Variants in PEX14 observed in about 807,000 individuals in gnomAD.
The protein encoded by PEX14 is peroxisomal biogenesis factor 14.
Under a neutral mutation model 49.5 loss-of-function variants are expected in PEX14, and 15 were observed. That is an observed-to-expected ratio of 0.30 (90% CI 0.20 to 0.47). The LOEUF is 0.47. Ranked by LOEUF, PEX14 falls within the 20% of genes least tolerant of loss-of-function variation. The probability of loss-of-function intolerance (pLI) is 1.00; values close to 1 mark genes in which losing one functional copy is unlikely to be tolerated. For synonymous variants in PEX14, 210 were observed against 212.7 expected (o/e 0.99, Z 0.11); for missense variants, 398 against 494.8 (o/e 0.80, Z 1.86).
intron 2 of PEX14, among the ~76,000 whole-genome samples, chr1:10,509,596 C>T (rs183661981): frequency 1.2e-4 from 19 of 152,294 alleles, no homozygotes; most frequent in African/African-American, 3.4e-4. Context: ...CCTCAGCGGG[C>T]TCCATCAGGT....
chr1:10,557,540 C>G lies in PEX14; in HGVS notation c.169+21243C>G, dbSNP rs563648156. ...GGTGGAGTTTGCAGTGACCTGAGAT[C>G]GTGCCACTGCACTTCAGGCTGGGCA... On this transcript the variant is annotated intron_variant, in intron 3 of 8. Transcript: ENST00000356607. Among the ~76,000 whole-genome samples the G allele has an allele frequency of 5.9e-5, 9 of 152,300 alleles. No individual in the cohort carries two copies. In the East Asian group the frequency reaches 1.5e-3, roughly 26 times the overall value.
intron 4 of PEX14, among the ~76,000 whole-genome samples, chr1:10,612,924 G>A (rs74052156): frequency 0.012 from 1,904 of 152,326 alleles, 46 homozygotes; most frequent in African/African-American, 0.043. Flanking sequence ...ACCTCAATGG[G>A]CTGGCCCCGT....
At chr1:10,487,303 A>G (rs1176932779) in intron 1 of PEX14, among the ~76,000 whole-genome samples, 1 of 148,030 alleles carries the variant, frequency 6.8e-6, no homozygotes, top group Non-Finnish European at 1.5e-5. Flanking sequence ...TCAAGATAGT[A>G]CTGGCCTCAT....
intron 2 of PEX14, among the ~76,000 whole-genome samples, chr1:10,510,771 T>C (rs1641868285): frequency 6.6e-6 from 1 of 152,294 alleles, no homozygotes; most frequent in Non-Finnish European, 1.5e-5. Flanking sequence ...AGGAGTTGGA[T>C]TGCACAGTTG....
Position 10,623,740 on chromosome 1 carries a change from C to T in PEX14, c.488-600C>T, listed in dbSNP as rs1036150093. ...CAGGAGTCTGTGTCCCTCTGGAGCA[C>T]GTTTGTGAAGCTCACAGAAACCCTC... is the stretch of plus-strand genomic sequence containing the variant. On this transcript the variant is annotated intron_variant, in intron 6 of 8. Transcript: ENST00000356607. The surrounding 1 kb of genome is among the most constrained non-coding windows in gnomAD (Gnocchi z 4.4). 4.6e-5 allele frequency among the ~76,000 whole-genome samples: 7 copies of T among 152,234 alleles called. No individual in the cohort carries two copies. The highest frequency in any genetic ancestry group is 7.3e-5 in the Non-Finnish European group (5 of 68,042).
intron 4 of PEX14, chr1:10,616,694 C>T (rs1474647694): frequency 1.3e-5 from 2 of 152,238 alleles, no homozygotes; most frequent in Admixed American, 6.5e-5. Context: ...TCCCGCGTGC[C>T]TTGGAGGATC....
chr1:10,560,162 A>G (rs1438076465), intron 3 of PEX14, among the ~76,000 whole-genome samples: 3 of 151,830 alleles, frequency 2.0e-5, no homozygotes, highest in African/African-American at 4.8e-5. Context: ...GGTTCAAGCA[A>G]TTCTCCTGCC....
At chr1:10,595,746 C>G (rs189869795) in intron 3 of PEX14, among the ~76,000 whole-genome samples, 2 of 152,302 alleles carry the variant, frequency 1.3e-5, no homozygotes, top group African/African-American at 4.8e-5. Flanking sequence ...TAGATTATTC[C>G]TTGCAGATAG....
intron 3 of PEX14, chr1:10,536,717 C>T: frequency 8.6e-6 from 2 of 232,508 alleles, no homozygotes; most frequent in South Asian, 1.4e-4. Context: ...AACGAGATGA[C>T]TAACAAGGTC....
intron 3 of PEX14, among the ~76,000 whole-genome samples, chr1:10,557,558 G>C (rs1265078408): frequency 6.6e-6 from 1 of 152,202 alleles, no homozygotes; most frequent in Non-Finnish European, 1.5e-5. Flanking sequence ...TGCACTTCAG[G>C]CTGGGCAACA....
chr1:10,540,366 T>C (rs1462595179), intron 3 of PEX14, among the ~76,000 whole-genome samples: 1 of 152,220 alleles, frequency 6.6e-6, no homozygotes, highest in African/African-American at 2.4e-5. Context: ...AGTTTGCATG[T>C]CCTTGAATGG....
chr1:10,620,832 A>T (rs1641568036), intron 5 of PEX14, among the ~76,000 whole-genome samples: 1 of 152,140 alleles, frequency 6.6e-6, no homozygotes, highest in South Asian at 2.1e-4. Flanking sequence ...ACAGAACAAA[A>T]ACACCTCTTG....
At chr1:10,549,798 G>T (rs1367463083) in intron 3 of PEX14, among the ~76,000 whole-genome samples, 1 of 152,110 alleles carries the variant, frequency 6.6e-6, no homozygotes, top group Non-Finnish European at 1.5e-5. Context: ...GATTATTTTG[G>T]ATTTCAGATT....
chr1:10,516,639 C>T (rs1349768187), intron 2 of PEX14, among the ~76,000 whole-genome samples: 1 of 152,192 alleles, frequency 6.6e-6, no homozygotes, highest in Non-Finnish European at 1.5e-5. Context: ...GTCTGGTCTC[C>T]CAGCTAACAT....
chr1:10,582,594 C>T (rs1640352591), intron 3 of PEX14, among the ~76,000 whole-genome samples: 1 of 152,182 alleles, frequency 6.6e-6, no homozygotes, highest in Admixed American at 6.5e-5. Flanking sequence ...GAAGAAGCTA[C>T]TCTGATGGCT....
At chr1:10,516,648 A>G (rs1641975205) in intron 2 of PEX14, among the ~76,000 whole-genome samples, 2 of 152,232 alleles carry the variant, frequency 1.3e-5, no homozygotes, top group African/African-American at 4.8e-5. Context: ...CCCAGCTAAC[A>G]TGGGTACAAA....
Position 10,535,969 on chromosome 1 carries a change from G to A in PEX14, c.85-244G>A, listed in dbSNP as rs17035180. 2,261 of 482,676 alleles carry A rather than the reference G, an allele frequency of 4.7e-3. 45 individuals carry two copies. The highest frequency in any genetic ancestry group is 0.039 in the African/African-American group (1,995 of 50,898). 29.9% of individuals were successfully genotyped at this position (482,676 alleles called of 1,614,324 possible). ...ATCAGGAGGAACAGGAAGGATCGTC[G>A]CAGGCCTGAAGCTCGGCAGAGGGAT... On this transcript the variant is annotated intron_variant, in intron 2 of 8. Transcript: ENST00000356607.
At chr1:10,493,103 G>T (rs1294676091) in intron 1 of PEX14, among the ~76,000 whole-genome samples, 1 of 152,206 alleles carries the variant, frequency 6.6e-6, no homozygotes, top group African/African-American at 2.4e-5. Flanking sequence ...GGGGGCAGAA[G>T]TGGGCAATGT....
Position 10,629,648 on chromosome 1 carries a change from A to G in PEX14, c.795A>G (p.Ser265=), listed in dbSNP as rs41274484. The change falls in exon 9 of 9, where the codon TCA becomes TCG. Residue 265 remains serine, a synonymous_variant. Transcript: ENST00000356607. This position sits in a 1 kb window ranked among gnomAD's most constrained non-coding sequence, Gnocchi z 8.5. ...ACCACCACAGCAGCAGCGACATCTC[A>G]CCTGTCAGCAACGAGTCCACGTCGT... ...AVNHHSSSDI[S]PVSNESTSSS... is the part of the protein sequence containing the mutation. The G allele has an allele frequency of 6.7e-3, 10,730 of 1,590,558 alleles. 42 individuals are homozygous for G. The highest frequency in any genetic ancestry group is 8.6e-3 in the Non-Finnish European group (9,967 of 1,159,942).
Sources: allele counts gnomAD v4.1 joint callset (sites outside exome capture counted in the v4.1 genomes callset), GRCh38; gene constraint gnomAD v4.1.1; non-coding constraint Gnocchi (gnomAD v3.1); transcripts MANE v1.5; gene names NCBI Gene and HGNC (gene_info 2026-07-23, HGNC 2026-07-21).